The following ZNF618 variants were observed in gnomAD, a reference collection of about 807,000 sequenced individuals.
The protein encoded by ZNF618 is zinc finger protein 618.
A neutral mutation model predicts 103.0 loss-of-function variants in ZNF618; 34 were observed. The ratio of observed to expected loss-of-function variants is 0.33; its 90% confidence interval spans 0.25 to 0.44. ZNF618 has a LOEUF of 0.44. Among genes scored for constraint, ZNF618 ranks in the 20% least tolerant of loss-of-function variants. The probability of loss-of-function intolerance (pLI) is 1.00; values close to 1 mark genes in which losing one functional copy is unlikely to be tolerated. For missense variants in ZNF618, 1,059 were observed against 1,295.4 expected (o/e 0.82, Z 2.80); for synonymous variants, 551 against 542.2 (o/e 1.02, Z -0.23).
At chr9:113,917,184 G>T (rs1341535980) in intron 1 of ZNF618, among the ~76,000 whole-genome samples, 1 of 151,228 alleles carries the variant, frequency 6.6e-6, no homozygotes, top group African/African-American at 2.4e-5. Flanking sequence ...TATTTTCTGG[G>T]CTCGTCCCTC....
At chr9:114,034,933 T>C (rs751900900) in intron 12 of ZNF618, among the ~76,000 whole-genome samples, 6 of 152,108 alleles carry the variant, frequency 3.9e-5, no homozygotes, top group Non-Finnish European at 7.4e-5. Context: ...GTGTAGGGTG[T>C]CCCGGAGGGA....
intron 1 of ZNF618, among the ~76,000 whole-genome samples, chr9:113,951,440 T>C (rs58028477): frequency 0.26 from 7,697 of 29,360 alleles, 2,196 homozygotes; most frequent in Middle Eastern, 0.31. Flanking sequence ...TGTATATATA[T>C]ACATATATGT....
At chr9:113,880,052 A>G (rs1828372629) in intron 1 of ZNF618, among the ~76,000 whole-genome samples, 1 of 152,154 alleles carries the variant, frequency 6.6e-6, no homozygotes, top group Non-Finnish European at 1.5e-5. Flanking sequence ...CTCCAGTGTC[A>G]GATACAATAT....
intron 1 of ZNF618, among the ~76,000 whole-genome samples, chr9:113,907,702 A>G (rs796546943): frequency 1.6e-4 from 25 of 152,326 alleles, no homozygotes; most frequent in African/African-American, 5.8e-4. Flanking sequence ...GTGTTTCTGC[A>G]TCGCTGGGAG....
intron 11 of ZNF618, among the ~76,000 whole-genome samples, chr9:114,029,299 A>G (rs1188029891): frequency 6.6e-6 from 1 of 152,156 alleles, no homozygotes; most frequent in Non-Finnish European, 1.5e-5. Context: ...GGTTTAAAAA[A>G]TTTTTTAGTT....
chr9:113,888,884 T>G (rs1829331078), intron 1 of ZNF618, among the ~76,000 whole-genome samples: 1 of 152,116 alleles, frequency 6.6e-6, no homozygotes, highest in South Asian at 2.1e-4. Flanking sequence ...TAAGAGAGGC[T>G]TGGAATAGCC....
intron 1 of ZNF618, among the ~76,000 whole-genome samples, chr9:113,921,482 G>T (rs1832639243): frequency 6.6e-6 from 1 of 152,230 alleles, no homozygotes; most frequent in Non-Finnish European, 1.5e-5. Flanking sequence ...CCCTTGAAAG[G>T]CTTCTTCATG....
rs1445080195 is a variant in ZNF618, at chr9:114,054,914, A to T, written c.*4747A>T. On this transcript the variant is annotated 3_prime_UTR_variant, in exon 15 of 15. Transcript: ENST00000374126. Reference sequence around the variant, plus strand: ...GAAGATTGTCAGGTCACTGTTTGACATATTCATGCCCCGTCCCTTCCCCCC... The same window carrying T: ...GAAGATTGTCAGGTCACTGTTTGACTTATTCATGCCCCGTCCCTTCCCCCC... 6.6e-6 allele frequency: 1 copy of T among 151,588 alleles called. No homozygotes were observed. The highest frequency in any genetic ancestry group is 1.5e-5 in the Non-Finnish European group (1 of 67,914). The allele number at this position is 151,588 out of a possible 1,614,324, so 9.4% of individuals were successfully genotyped here.
intron 1 of ZNF618, among the ~76,000 whole-genome samples, chr9:113,911,749 G>C (rs1037945901): frequency 1.3e-5 from 2 of 152,184 alleles, no homozygotes; most frequent in African/African-American, 4.8e-5. Context: ...TGAGGGTTTT[G>C]ACTGCGGGTA....
intron 1 of ZNF618, among the ~76,000 whole-genome samples, chr9:113,941,724 C>T (rs1834566625): frequency 6.6e-6 from 1 of 152,128 alleles, no homozygotes; most frequent in Non-Finnish European, 1.5e-5. Flanking sequence ...TTAGGATTTC[C>T]TCTTTGTTTT....
At chr9:114,005,142 G>T (rs965556685) in intron 6 of ZNF618, among the ~76,000 whole-genome samples, 2 of 152,182 alleles carry the variant, frequency 1.3e-5, no homozygotes, top group African/African-American at 4.8e-5. Context: ...GAGGTGCAGA[G>T]GTTAGGCAGC....
intron 2 of ZNF618, among the ~76,000 whole-genome samples, chr9:113,972,389 G>A (rs990702629): frequency 4.6e-5 from 7 of 152,170 alleles, no homozygotes; most frequent in African/African-American, 1.4e-4. Context: ...ACAACCTCAT[G>A]AGAGAGATAC....
At chr9:113,918,893 G>A (rs1832373129) in intron 1 of ZNF618, among the ~76,000 whole-genome samples, 1 of 152,174 alleles carries the variant, frequency 6.6e-6, no homozygotes, top group African/African-American at 2.4e-5. Context: ...ATGGTGTCTG[G>A]CACGTTGTGG....
At chr9:113,885,322 C>T (rs1828961430) in intron 1 of ZNF618, among the ~76,000 whole-genome samples, 1 of 152,214 alleles carries the variant, frequency 6.6e-6, no homozygotes, top group African/African-American at 2.4e-5. Context: ...TGATTCTTCA[C>T]AGGAATGACA....
At chr9:114,005,037 A>G (rs1841609347) in intron 6 of ZNF618, among the ~76,000 whole-genome samples, 1 of 152,220 alleles carries the variant, frequency 6.6e-6, no homozygotes, top group Non-Finnish European at 1.5e-5. Context: ...TACATTTGGC[A>G]AGTATTTATT....
intron 3 of ZNF618, among the ~76,000 whole-genome samples, chr9:113,995,483 T>G (rs1477052012): frequency 1.3e-5 from 2 of 152,250 alleles, no homozygotes; most frequent in African/African-American, 2.4e-5. Flanking sequence ...GAGACAAGAT[T>G]CGACATTAAT....
intron 1 of ZNF618, among the ~76,000 whole-genome samples, chr9:113,938,579 T>C (rs186283404): frequency 1.3e-5 from 2 of 149,972 alleles, no homozygotes; most frequent in Non-Finnish European, 3.0e-5. Flanking sequence ...TTTCTTTTTT[T>C]TTTTTTTGAG....
chr9:113,880,759 G>A (rs774507592), intron 1 of ZNF618, among the ~76,000 whole-genome samples: 1 of 152,250 alleles, frequency 6.6e-6, no homozygotes, highest in Non-Finnish European at 1.5e-5. Context: ...ATTTGTGGAT[G>A]TATGTGTGTG....
At chr9:114,042,163 A>G (rs1845251646) in intron 13 of ZNF618, among the ~76,000 whole-genome samples, 1 of 152,206 alleles carries the variant, frequency 6.6e-6, no homozygotes, top group Non-Finnish European at 1.5e-5. Context: ...CTGCATTGGG[A>G]AAATGCAGAG....
Sources: allele counts gnomAD v4.1 joint callset (sites outside exome capture counted in the v4.1 genomes callset), GRCh38; gene constraint gnomAD v4.1.1; transcripts MANE v1.5; gene names NCBI Gene and HGNC (gene_info 2026-07-23, HGNC 2026-07-21).